Variants in ECD observed in about 807,000 individuals in gnomAD.
The protein encoded by ECD is protein ecdysoneless homolog.
Under a neutral mutation model 77.2 loss-of-function variants are expected in ECD, and 59 were observed. The observed-to-expected ratio is 0.76, with a 90% CI of 0.62 to 0.95. The LOEUF (loss-of-function observed/expected upper bound fraction) is 0.95. Among genes scored for constraint, ECD ranks in the 40% least tolerant of loss-of-function variants. The pLI is 0.00. For synonymous variants in ECD, 233 were observed against 267.4 expected (o/e 0.87, Z 1.26); for missense variants, 704 against 763.4 (o/e 0.92, Z 0.92).
At position 73,139,486 on chromosome 10, in the gene ECD, C is replaced by A. The variant is rs1428088255; in HGVS notation, c.1244G>T (p.Trp415Leu). ...CAGCTGATCTGGTGAGAGATCTAACCACTGGTCATCTGAAAAAGAAGAAAG... is the reference window on the plus strand; with the variant it reads ...CAGCTGATCTGGTGAGAGATCTAACAACTGGTCATCTGAAAAAGAAGAAAG... Reference protein sequence around the residue: ...ANLPPEDDDQWLDLSPDQLDQ... With the variant: ...ANLPPEDDDQLLDLSPDQLDQ... Residue 415 changes from tryptophan (W) to leucine (L), a missense_variant, in exon 11 of 14, where the codon TGG becomes TTG. Coordinates refer to ENST00000372979, the MANE Select transcript of ECD (RefSeq NM_007265.3). 3 of 1,612,710 alleles carry A rather than the reference C, an allele frequency of 1.9e-6. No individual in the cohort carries two copies. Among genetic ancestry groups the A allele is most frequent in the African/African-American group, 2.7e-5 (2 of 74,794 alleles).
chr10:73,146,161 G>A (rs1262473841), intron 9 of ECD, 115 bp downstream of exon 9: 7 of 403,566 alleles, frequency 1.7e-5, no homozygotes, highest in Admixed American at 1.6e-4. Context: ...CTGGGTGACA[G>A]AGTGAGACTC....
chr10:73,138,475 A>G (rs1465694973), intron 11 of ECD, among the ~76,000 whole-genome samples: 8 of 152,256 alleles, frequency 5.3e-5, no homozygotes, highest in Non-Finnish European at 1.0e-4. Context: ...TTTCTTAAAG[A>G]GAGAATACCA....
intron 8 of ECD, among the ~76,000 whole-genome samples, chr10:73,147,877 CAT>C (rs149598380): frequency 3.0e-4 from 45 of 147,644 alleles, no homozygotes; most frequent in Non-Finnish European, 3.0e-4. Context: ...TTACTGTGTT[CAT>C]ATATATATAT....
intron 7 of ECD, among the ~76,000 whole-genome samples, chr10:73,148,848 A>T (rs1266144103): frequency 6.6e-6 from 1 of 152,198 alleles, no homozygotes; most frequent in Non-Finnish European, 1.5e-5. Flanking sequence ...ATAGATGCAC[A>T]TGGCTAAATA....
At chr10:73,149,319 C>A (rs1371696304) in intron 7 of ECD, among the ~76,000 whole-genome samples, 2 of 149,170 alleles carry the variant, frequency 1.3e-5, no homozygotes, top group Non-Finnish European at 2.9e-5. Context: ...TGGTCCCCAA[C>A]TTATGATGGT....
intron 13 of ECD, among the ~76,000 whole-genome samples, chr10:73,136,032 T>C (rs12249189): frequency 0.16 from 23,937 of 152,106 alleles, 3,140 homozygotes; most frequent in African/African-American, 0.34. Flanking sequence ...CATGTTAATT[T>C]TATGATATGA....
At position 73,140,552 on chromosome 10, in the gene ECD, C is replaced by T. The variant is rs764037546; in HGVS notation, c.1128-815G>A. Among the ~76,000 whole-genome samples, 87 of 151,832 alleles carry T rather than the reference C, an allele frequency of 5.7e-4. 1 individual carries two copies. Among genetic ancestry groups the T allele is most frequent in the African/African-American group, 2.0e-3 (83 of 41,484 alleles). ...CAAAAATTAGCTGGGCATTGTGGCACGTGCCTGTAATCCCAGCTACTCGGG... is the reference window on the plus strand; with the variant it reads ...CAAAAATTAGCTGGGCATTGTGGCATGTGCCTGTAATCCCAGCTACTCGGG... On this transcript the variant is annotated intron_variant, in intron 9 of 13. Coordinates refer to ENST00000372979, the MANE Select transcript of ECD (RefSeq NM_007265.3).
At chr10:73,141,149 G>T (rs572834992) in intron 9 of ECD, among the ~76,000 whole-genome samples, 4 of 152,016 alleles carry the variant, frequency 2.6e-5, no homozygotes, top group Admixed American at 1.3e-4. Context: ...GTATTACCCA[G>T]GAGGCGGAGG....
chr10:73,148,361 A>G lies in ECD; in HGVS notation c.956T>C (p.Phe319Ser). Reference protein sequence around the residue: ...EILCSKCSPHFSDCKKSLVTA... With the variant: ...EILCSKCSPHSSDCKKSLVTA... ...CACAAGGGATTTCTTGCAGTCAGAA[A>G]AATGTGGGCTACATTTGGAGCATAA... The change falls in exon 8 of 14, where the codon TTT becomes TCT. Residue 319 changes from phenylalanine to serine, a missense_variant. Phe to Ser is a radical substitution (Grantham distance 155). Coordinates refer to ENST00000372979, the MANE Select transcript of ECD (RefSeq NM_007265.3). The G allele has an allele frequency of 6.2e-7, 1 of 1,613,968 alleles. No homozygotes were observed. The highest frequency in any genetic ancestry group is 1.1e-5 in the South Asian group (1 of 91,056).
intron 5 of ECD, 108 bp from the exon 6 acceptor site, chr10:73,154,556 TAG>T (rs1261037306): frequency 3.8e-6 from 4 of 1,047,606 alleles, no homozygotes; most frequent in South Asian, 1.9e-5. Context: ...GAGCAGTACG[TAG>T]AGAGTGACAA....
chr10:73,154,153 T>C (rs544133386), intron 6 of ECD, 103 bp downstream of exon 6: 1 of 1,123,590 alleles, frequency 8.9e-7, no homozygotes, highest in Non-Finnish European at 1.2e-6. Flanking sequence ...ATTAAAATAA[T>C]GTTTCATTCA....
intron 3 of ECD, among the ~76,000 whole-genome samples, chr10:73,158,606 C>T (rs1201519876): frequency 6.6e-6 from 1 of 151,874 alleles, no homozygotes; most frequent in Non-Finnish European, 1.5e-5. Context: ...TGTGGTGGTG[C>T]ACGCCCATAG....
chr10:73,156,689 A>G (rs1482603324), intron 3 of ECD, 34 bp from the exon 4 acceptor site: 11 of 1,584,208 alleles, frequency 6.9e-6, no homozygotes, highest in Non-Finnish European at 8.7e-6. Context: ...TTGCATTCAA[A>G]AAGCATATAT....
chr10:73,136,981 T>TATC, intron 12 of ECD, 63 bp from the exon 13 acceptor site: 2 of 844,592 alleles, frequency 2.4e-6, no homozygotes, highest in Non-Finnish European at 3.0e-6. Flanking sequence ...TTATTATTAT[T>TATC]ATTATTTAGT....
intron 6 of ECD, among the ~76,000 whole-genome samples, chr10:73,152,907 A>G (rs775011443): frequency 2.2e-4 from 33 of 151,960 alleles, no homozygotes; most frequent in Non-Finnish European, 4.4e-4. Flanking sequence ...AGAGCAAGAC[A>G]CTGTTGCAAA....
At position 73,139,485 on chromosome 10, in the gene ECD, C is replaced by T. The variant is rs747630787; in HGVS notation, c.1245G>A (p.Trp415Ter). Reference sequence around the variant, plus strand: ...CCAGCTGATCTGGTGAGAGATCTAACCACTGGTCATCTGAAAAAGAAGAAA... The same window carrying T: ...CCAGCTGATCTGGTGAGAGATCTAATCACTGGTCATCTGAAAAAGAAGAAA... ...ANLPPEDDDQWLDLSPDQLDQ... is the reference protein window; with the variant it reads ...ANLPPEDDDQ Residue 415 changes from tryptophan to a stop codon, truncating the protein, a stop_gained, in exon 11 of 14, where the codon TGG becomes TGA. Transcript: ENST00000372979. LOFTEE classifies it high-confidence loss of function. 3.7e-6 allele frequency: 6 copies of T among 1,613,026 alleles called. No individual in the cohort carries two copies. In the African/African-American group the frequency reaches 6.7e-5, roughly 18 times the overall value.
rs570720417 is a variant in ECD, at chr10:73,151,594, C to CA, written c.912+698dup. Among the ~76,000 whole-genome samples the CA allele has an allele frequency of 3.0e-3, 427 of 141,748 alleles. 2 individuals carry two copies. The highest frequency in any genetic ancestry group is 3.6e-3 in the African/African-American group (139 of 38,700). 93.0% of individuals were successfully genotyped at this position (141,748 alleles called of 152,430 possible). A position where few individuals can be genotyped will look rare whatever the true frequency, so the allele number is the denominator to read the frequency against. On this transcript the variant is annotated intron_variant, in intron 7 of 13. Transcript: ENST00000372979. ...AGATTGTAACATTTTTGAAAGCAAACAAAAAAAAAAGAAAAACACTATTTT... is the reference window on the plus strand; with the variant it reads ...AGATTGTAACATTTTTGAAAGCAAACAAAAAAAAAAAGAAAAACACTATTTT...
intron 5 of ECD, among the ~76,000 whole-genome samples, chr10:73,155,721 T>A (rs1724591923): frequency 6.7e-6 from 1 of 149,946 alleles, no homozygotes; most frequent in Non-Finnish European, 1.5e-5. Flanking sequence ...TGCCTCAGCC[T>A]CCAAAGTAGC....
Position 73,156,282 on chromosome 10 carries a change from T to G in ECD, c.583A>C (p.Ile195Leu), listed in dbSNP as rs753588697. ...ESIRAAVNRR[I>L]RGYPEKIQAS... ...AAGTGATATTTTTCTTACCCTCTGA[T>G]GCGCCTATTCACAGCAGCTCGTATA... The change falls in exon 5 of 14, where the codon ATC becomes CTC. Residue 195 changes from isoleucine (I) to leucine (L), a missense_variant. By Grantham distance (5) the Ile-to-Leu change is conservative. This residue lies in a region of ECD where 559 missense variants were observed against 583.7 expected (regional missense o/e 0.96). Transcript: ENST00000372979. The G allele has an allele frequency of 1.3e-6, 2 of 1,584,876 alleles. No homozygotes were observed.
Sources: gnomAD v4.1 joint callset for allele counts (sites outside exome capture counted in the v4.1 genomes callset) on GRCh38, gnomAD v4.1.1 for gene constraint, gnomAD v4.1.1 regional missense constraint, MANE v1.5 for transcripts, NCBI Gene and HGNC (gene_info 2026-07-23, HGNC 2026-07-21) for gene names.